Variants in ELFN1 observed in about 807,000 individuals in gnomAD.
ELFN1 encodes the protein protein ELFN1.
A neutral mutation model predicts 7.6 loss-of-function variants in ELFN1; 6 were observed. The observed-to-expected ratio is 0.79, with a 90% CI of 0.43 to 1.56. The LOEUF (loss-of-function observed/expected upper bound fraction) is 1.56, where lower values mean the gene tolerates loss of function less well. Ranked by LOEUF, ELFN1 falls within the 40% of genes most tolerant of loss-of-function variation. The pLI is 0.01. For synonymous variants in ELFN1, 657 were observed against 588.1 expected (o/e 1.12, Z -1.70); for missense variants, 1,169 against 1,232.2 (o/e 0.95, Z 0.77).
In ELFN1 at chr7:1,740,529, C is replaced by T. The variant is rs1324975006; in HGVS notation, c.-293-3775C>T. 6.6e-6 allele frequency among the ~76,000 whole-genome samples: 1 copy of T among 152,174 alleles called. No homozygotes were observed. The highest frequency in any genetic ancestry group is 1.9e-4 in the East Asian group (1 of 5,192). On this transcript the variant is annotated intron_variant, in intron 3 of 3. Transcript: ENST00000424383. The surrounding 1 kb of genome is among the most constrained non-coding windows in gnomAD (Gnocchi z 5.0). Reference sequence around the variant, plus strand: ...GCGAGGGCACAGGCTGGCGGGGCATCGAGAGTGACTTGAGTGAGCGAGCCC... The same window carrying T: ...GCGAGGGCACAGGCTGGCGGGGCATTGAGAGTGACTTGAGTGAGCGAGCCC...
chr7:1,727,280 C>T (rs992192659), intron 3 of ELFN1, among the ~76,000 whole-genome samples: 3 of 152,164 alleles, frequency 2.0e-5, no homozygotes, highest in African/African-American at 4.8e-5. Flanking sequence ...TGCTCTTCTC[C>T]CTGGGGTAGC....
chr7:1,719,459 G>A (rs1423040037), intron 3 of ELFN1, among the ~76,000 whole-genome samples: 2 of 152,180 alleles, frequency 1.3e-5, no homozygotes, highest in African/African-American at 2.4e-5. Context: ...TCTAATTCCC[G>A]CTTCCGCAGA....
chr7:1,725,435 C>T (rs1428559176), intron 3 of ELFN1, among the ~76,000 whole-genome samples: 3 of 121,248 alleles, frequency 2.5e-5, no homozygotes, highest in East Asian at 2.8e-4. Context: ...CTTAGAGAGG[C>T]GGGAGCGAGA....
At chr7:1,711,575 TGAGAGAGAGAGAGAGAGAGAGA>T (rs55658122) in intron 3 of ELFN1, among the ~76,000 whole-genome samples, 980 of 87,598 alleles carry the variant, frequency 0.011, 23 homozygotes, top group African/African-American at 0.043. Context: ...AGCGAGAGAG[TGAGAGAGAGAGAGAGAGAGAGA>T]GAGAGAGAGA....
rs1477902344 is a variant in ELFN1, at chr7:1,670,297, A to T, written c.-606A>T. ...ATTTCAATCCCGGGAGCGAAGTTAG[A>T]GCTTGAAGGACGGCGGCGGCTGCGG... is the stretch of plus-strand genomic sequence containing the variant. On this transcript the variant is annotated 5_prime_UTR_variant, in exon 1 of 4. Coordinates refer to ENST00000424383, the MANE Select transcript of ELFN1 (RefSeq NM_001128636.4). This position sits in a 1 kb window ranked among gnomAD's most constrained non-coding sequence, Gnocchi z 6.4. 4.0e-5 allele frequency among the ~76,000 whole-genome samples: 6 copies of T among 151,236 alleles called. No homozygotes were observed. Among genetic ancestry groups the T allele is most frequent in the African/African-American group, 1.5e-4 (6 of 41,170 alleles).
chr7:1,685,038 A>G (rs1398420716), intron 1 of ELFN1, among the ~76,000 whole-genome samples: 3 of 152,208 alleles, frequency 2.0e-5, no homozygotes, highest in Non-Finnish European at 4.4e-5. Flanking sequence ...AATAAGCTGT[A>G]CTAGCCCCAG....
At position 1,674,250 on chromosome 7, in the gene ELFN1, G is replaced by A. The variant is rs117372906; in HGVS notation, c.-549+3896G>A. On this transcript the variant is annotated intron_variant, in intron 1 of 3. Coordinates refer to ENST00000424383, the MANE Select transcript of ELFN1 (RefSeq NM_001128636.4). ...TGCTCCGGGCCATGGGGGTGCACAGGAGCCAGTGGGGAAACTGAGCCATGG... is the reference window on the plus strand; with the variant it reads ...TGCTCCGGGCCATGGGGGTGCACAGAAGCCAGTGGGGAAACTGAGCCATGG... Among the ~76,000 whole-genome samples the A allele has an allele frequency of 4.7e-3, 717 of 152,290 alleles. 1 individual carries two copies. Among genetic ancestry groups the A allele is most frequent in the Middle Eastern group, 0.024 (7 of 294 alleles).
Position 1,726,801 on chromosome 7 carries a change from G to T in ELFN1, c.-293-17503G>T, listed in dbSNP as rs554858578. ...CAGCTGTTACCCGTAGGGCCCACAG[G>T]CGGGCTGGGATGCCTCCTCCACCAG... On this transcript the variant is annotated intron_variant, in intron 3 of 3. Transcript: ENST00000424383. Among the ~76,000 whole-genome samples, 19 of 152,320 alleles carry T rather than the reference G, an allele frequency of 1.2e-4. No homozygotes were observed. In the South Asian group the frequency reaches 3.9e-3, roughly 32 times the overall value.
At chr7:1,737,299 T>C (rs971748011) in intron 3 of ELFN1, among the ~76,000 whole-genome samples, 4 of 151,970 alleles carry the variant, frequency 2.6e-5, no homozygotes, top group African/African-American at 9.7e-5. Flanking sequence ...GCCCCGTGGT[T>C]CCTAGATGTC....
intron 1 of ELFN1, among the ~76,000 whole-genome samples, chr7:1,671,961 C>T (rs1010070480): frequency 6.6e-6 from 1 of 152,152 alleles, no homozygotes; most frequent in African/African-American, 2.4e-5. Context: ...GTTCTGATCC[C>T]CACCCCTAGT....
At chr7:1,691,458 G>T (rs1049185603) in intron 2 of ELFN1, among the ~76,000 whole-genome samples, 2 of 152,190 alleles carry the variant, frequency 1.3e-5, no homozygotes, top group African/African-American at 4.8e-5. Context: ...TGAGATATTC[G>T]GTTGGGTAAG....
At chr7:1,678,943 G>A (rs1778922777) in intron 1 of ELFN1, among the ~76,000 whole-genome samples, 1 of 152,184 alleles carries the variant, frequency 6.6e-6, no homozygotes, top group Non-Finnish European at 1.5e-5. Flanking sequence ...GGGCTGGCCT[G>A]TGCTCCCAGG....
intron 3 of ELFN1, among the ~76,000 whole-genome samples, chr7:1,728,037 G>A (rs762521387): frequency 2.0e-5 from 3 of 152,168 alleles, no homozygotes; most frequent in Non-Finnish European, 2.9e-5. Flanking sequence ...TTGCATGGGC[G>A]GTTTTCTGTC....
chr7:1,721,747 A>G (rs563833747), intron 3 of ELFN1, among the ~76,000 whole-genome samples: 183 of 152,274 alleles, frequency 1.2e-3, no homozygotes, highest in Non-Finnish European at 2.2e-3. Context: ...ATCGCTCACG[A>G]TCTGCTGTCC....
At position 1,747,085 on chromosome 7, in the gene ELFN1, C is replaced by G; in HGVS notation, c.*2C>G. 2.0e-6 allele frequency: 3 copies of G among 1,472,688 alleles called. No individual in the cohort carries two copies. In the Middle Eastern group the frequency reaches 5.3e-4, roughly 259 times the overall value. 91.2% of individuals were successfully genotyped at this position (1,472,688 alleles called of 1,614,324 possible). A position where few individuals can be genotyped will look rare whatever the true frequency, so the allele number is the denominator to read the frequency against. On this transcript the variant is annotated 3_prime_UTR_variant, in exon 4 of 4. Coordinates refer to ENST00000424383, the MANE Select transcript of ELFN1 (RefSeq NM_001128636.4). ...GTGTCGGCCCAGCACAAGTCCTGAG[C>G]CCCCCAAGACCGGCGATGCCCACTG...
Position 1,700,584 on chromosome 7 carries a change from G to A in ELFN1, c.-455-8507G>A, listed in dbSNP as rs570881297. Among the ~76,000 whole-genome samples, 96 of 152,182 alleles carry A rather than the reference G, an allele frequency of 6.3e-4. 1 individual carries two copies. Among genetic ancestry groups the A allele is most frequent in the Non-Finnish European group, 1.2e-3 (85 of 68,034 alleles). ...GCTGTCCTAAGAGGGGATCAAGGTCGGTTCCATTTTGGGGCTGTGGTGAGC... is the reference window on the plus strand; with the variant it reads ...GCTGTCCTAAGAGGGGATCAAGGTCAGTTCCATTTTGGGGCTGTGGTGAGC... On this transcript the variant is annotated intron_variant, in intron 2 of 3. Transcript: ENST00000424383.
chr7:1,729,153 A>C (rs114742787), intron 3 of ELFN1, among the ~76,000 whole-genome samples: 1 of 152,116 alleles, frequency 6.6e-6, no homozygotes, highest in Admixed American at 6.5e-5. Flanking sequence ...GAGCCCTCCA[A>C]TTCTCCAGTG....
At chr7:1,720,786 C>G (rs574827378) in intron 3 of ELFN1, among the ~76,000 whole-genome samples, 7 of 141,558 alleles carry the variant, frequency 4.9e-5, no homozygotes, top group Admixed American at 1.5e-4. Flanking sequence ...TAAGCTCTTA[C>G]TTTTATTATG....
rs546101739 is a variant in ELFN1 at position 1,705,575 on chromosome 7, C to G, written c.-455-3516C>G. On this transcript the variant is annotated intron_variant, in intron 2 of 3. Transcript: ENST00000424383. This position sits in a 1 kb window ranked among gnomAD's most constrained non-coding sequence, Gnocchi z 4.3. ...TGGGCACCTCAGATGGCAGGCCTCA[C>G]AGCCTCACCATGCACCTGTGTGATC... is the stretch of plus-strand genomic sequence containing the variant. Among the ~76,000 whole-genome samples the G allele has an allele frequency of 6.6e-6, 1 of 152,366 alleles. No individual in the cohort carries two copies. Among genetic ancestry groups the G allele is most frequent in the South Asian group, 2.1e-4 (1 of 4,830 alleles).
Sources: allele counts gnomAD v4.1 joint callset (sites outside exome capture counted in the v4.1 genomes callset), GRCh38; gene constraint gnomAD v4.1.1; non-coding constraint Gnocchi (gnomAD v3.1); transcripts MANE v1.5; gene names NCBI Gene and HGNC (gene_info 2026-07-23, HGNC 2026-07-21).